Variants in CFH observed in about 807,000 individuals in gnomAD.
CFH encodes the protein complement factor H, also known as H factor 1 (complement).
Under a neutral mutation model 147.3 loss-of-function variants are expected in CFH, and 53 were observed. The ratio of observed to expected loss-of-function variants is 0.36; its 90% CI spans 0.29 to 0.45. The LOEUF is 0.45. Ranked by LOEUF, CFH falls within the 20% of genes least tolerant of loss-of-function variation. The pLI is 1.00. For missense variants in CFH, 1,380 were observed against 1,498.0 expected (o/e 0.92, Z 1.30); for synonymous variants, 536 against 489.4 (o/e 1.10, Z -1.26).
intron 5 of CFH, 131 bp from the exon 6 acceptor site, chr1:196,679,492 C>T: frequency 4.6e-6 from 3 of 645,164 alleles, no homozygotes; most frequent in Admixed American, 2.8e-5. Flanking sequence ...GCGGTCAAGT[C>T]AAAACAGAAC....
rs1221679637 is a variant in CFH at position 196,676,072 on chromosome 1, A to G, written c.427+7A>G. 1.3e-6 allele frequency: 2 copies of G among 1,541,144 alleles called. No homozygotes were observed. The highest frequency in any genetic ancestry group is 1.4e-5 in the African/African-American group (1 of 73,530). On this transcript the variant is annotated splice_region_variant and intron_variant, in intron 4 of 21. Transcript: ENST00000367429. ...GATATTCCTATATGTGAAGGTAGACATAAAATGTATTTACAAGTATATTGA... is the reference window on the plus strand; with the variant it reads ...GATATTCCTATATGTGAAGGTAGACGTAAAATGTATTTACAAGTATATTGA...
intron 7 of CFH, among the ~76,000 whole-genome samples, chr1:196,686,641 A>G (rs531495863): frequency 6.6e-6 from 1 of 152,242 alleles, no homozygotes; most frequent in Admixed American, 6.5e-5. Context: ...AATCCCTAAG[A>G]GAGGAAGCTA....
rs756118483 is a variant in CFH at position 196,690,275 on chromosome 1, GTCTT to G, written c.1336+40_1336+43del. 15 of 1,609,586 alleles carry G rather than the reference GTCTT, an allele frequency of 9.3e-6. No homozygotes were observed. The East Asian group carries it at 1.1e-4, about 12-fold the overall frequency. On this transcript the variant is annotated intron_variant, in intron 9 of 21. Coordinates refer to ENST00000367429, the MANE Select transcript of CFH (RefSeq NM_000186.4). ...TACTCTGAAATCCTAGCATGTTCAT[GTCTT>G]TCTAAGTAACATAGATGACATTCTA...
intron 9 of CFH, among the ~76,000 whole-genome samples, chr1:196,708,122 A>G (rs976199223): frequency 1.3e-5 from 2 of 152,170 alleles, no homozygotes; most frequent in African/African-American, 2.4e-5. Context: ...ACTTCTAATT[A>G]TACCTCTCCT....
At chr1:196,725,561 A>G (rs1198568509) in intron 12 of CFH, among the ~76,000 whole-genome samples, 1 of 152,180 alleles carries the variant, frequency 6.6e-6, no homozygotes, top group African/African-American at 2.4e-5. Flanking sequence ...TTATGTTTCT[A>G]TAAAGGAATA....
At chr1:196,690,275 G>A (rs769648523) in intron 9 of CFH, 36 bp downstream of exon 9, 2 of 1,609,586 alleles carry the variant, frequency 1.2e-6, no homozygotes, top group East Asian at 2.2e-5. Flanking sequence ...GCATGTTCAT[G>A]TCTTTCTAAG....
In CFH at chr1:196,714,635, GTATA is replaced by G. The variant is rs1176351357; in HGVS notation, c.1519+749_1519+752del. Among the ~76,000 whole-genome samples the G allele has an allele frequency of 8.1e-3, 201 of 24,890 alleles. 1 individual carries two copies. The highest frequency in any genetic ancestry group is 0.014 in the South Asian group (6 of 438). 16.3% of individuals were successfully genotyped at this position (24,890 alleles called of 152,430 possible). ...TGTGTGTGTGTGTATACGTATATAT[GTATA>G]TATATATATATATATATATATATAT... On this transcript the variant is annotated intron_variant, in intron 10 of 21. Coordinates refer to ENST00000367429, the MANE Select transcript of CFH (RefSeq NM_000186.4).
At chr1:196,720,573 A>G (rs78063687) in intron 11 of CFH, among the ~76,000 whole-genome samples, 3,056 of 152,074 alleles carry the variant, frequency 0.02, 97 homozygotes, top group African/African-American at 0.069. Flanking sequence ...ACCTAAAATA[A>G]TGGCCTTTAG....
chr1:196,741,693 T>C (rs934040570), intron 18 of CFH, 182 bp from the exon 19 acceptor site: 1 of 592,766 alleles, frequency 1.7e-6, no homozygotes, highest in Admixed American at 3.0e-5. Flanking sequence ...GTATTTTTAA[T>C]AGATTTAGAA....
At chr1:196,728,663 A>T in intron 15 of CFH, 141 bp downstream of exon 15, 1 of 788,356 alleles carries the variant, frequency 1.3e-6, no homozygotes, top group Non-Finnish European at 2.1e-6. Context: ...ACTAATGAAA[A>T]CACTGTTCCT....
intron 9 of CFH, among the ~76,000 whole-genome samples, chr1:196,702,065 C>A (rs918350335): frequency 3.3e-5 from 5 of 152,058 alleles, no homozygotes; most frequent in South Asian, 2.1e-4. Flanking sequence ...AAGGTAAAAT[C>A]ATGATAAAGT....
intron 11 of CFH, among the ~76,000 whole-genome samples, 197 bp from the exon 12 acceptor site, chr1:196,724,924 A>G (rs1427702700): frequency 6.6e-6 from 1 of 152,224 alleles, no homozygotes; most frequent in East Asian, 1.9e-4. Flanking sequence ...TCAATACCAT[A>G]ACATTTATAA....
rs140618003 is a variant in CFH at position 196,675,921 on chromosome 1, T to C, written c.351-68T>C. The C allele has an allele frequency of 4.3e-4, 413 of 952,276 alleles. No individual in the cohort carries two copies. In the African/African-American group the frequency reaches 6.1e-3, roughly 14 times the overall value. 59.0% of individuals were successfully genotyped at this position (952,276 alleles called of 1,614,324 possible). A position where few individuals can be genotyped will look rare whatever the true frequency, so the allele number is the denominator to read the frequency against. On this transcript the variant is annotated intron_variant, in intron 3 of 21. Coordinates refer to ENST00000367429, the MANE Select transcript of CFH (RefSeq NM_000186.4). ...ATATGGAGTTTCTGGACACTCAGAATGGCATCGAGTTTAAAACTGCATGTA... is the reference window on the plus strand; with the variant it reads ...ATATGGAGTTTCTGGACACTCAGAACGGCATCGAGTTTAAAACTGCATGTA...
At chr1:196,707,767 A>C (rs1002405923) in intron 9 of CFH, among the ~76,000 whole-genome samples, 1 of 152,200 alleles carries the variant, frequency 6.6e-6, no homozygotes, top group African/African-American at 2.4e-5. Flanking sequence ...CAGATAAGTA[A>C]CTTTAATGAA....
intron 18 of CFH, chr1:196,741,651 T>C: frequency 1.9e-6 from 1 of 524,344 alleles, no homozygotes; most frequent in Non-Finnish European, 3.4e-6. Flanking sequence ...GCTACCAATA[T>C]TTCTTCAGTC....
intron 9 of CFH, among the ~76,000 whole-genome samples, chr1:196,712,728 T>C (rs1356186732): frequency 6.6e-6 from 1 of 150,408 alleles, no homozygotes; most frequent in Non-Finnish European, 1.5e-5. Context: ...AACTCGTCAT[T>C]TAGCATTACG....
chr1:196,704,556 C>G (rs1038048451), intron 9 of CFH, among the ~76,000 whole-genome samples: 2 of 152,212 alleles, frequency 1.3e-5, no homozygotes, highest in Non-Finnish European at 2.9e-5. Context: ...TGAAGAGATA[C>G]TCCAAAAGGT....
At chr1:196,707,879 T>G (rs1668629972) in intron 9 of CFH, among the ~76,000 whole-genome samples, 1 of 152,218 alleles carries the variant, frequency 6.6e-6, no homozygotes, top group Non-Finnish European at 1.5e-5. Flanking sequence ...GTGAGATACC[T>G]TCCTGTCTAT....
intron 19 of CFH, 53 bp downstream of exon 19, chr1:196,742,104 G>C: frequency 6.4e-7 from 1 of 1,564,600 alleles, no homozygotes; most frequent in South Asian, 1.1e-5. Context: ...GCCCAGCCCA[G>C]TGGCTGGCGC....
Sources: allele counts gnomAD v4.1 joint callset (sites outside exome capture counted in the v4.1 genomes callset), GRCh38; gene constraint gnomAD v4.1.1; transcripts MANE v1.5; gene names NCBI Gene and HGNC (gene_info 2026-07-23, HGNC 2026-07-21).